The following RAB21 variants were observed in gnomAD, a reference collection of about 807,000 sequenced individuals.
RAB21 encodes ras-related protein Rab-21.
Under a neutral mutation model 33.1 loss-of-function variants are expected in RAB21, and 13 were observed. The ratio of observed to expected loss-of-function variants is 0.39; its 90% CI spans 0.26 to 0.62. RAB21 has a LOEUF of 0.62. RAB21 is among the 20% of genes least tolerant of loss of function. The pLI is 0.48. For synonymous variants in RAB21, 91 were observed against 103.7 expected (o/e 0.88, Z 0.74); for missense variants, 234 against 279.1 (o/e 0.84, Z 1.15).
Position 71,787,053 on chromosome 12 carries a change from A to T in RAB21, c.*1380A>T, listed in dbSNP as rs1883304777. The T allele has an allele frequency of 6.6e-6, 1 of 152,224 alleles. No individual in the cohort carries two copies. Among genetic ancestry groups the T allele is most frequent in the Non-Finnish European group, 1.5e-5 (1 of 68,036 alleles). 9.4% of individuals were successfully genotyped at this position (152,224 alleles called of 1,614,324 possible). A position where few individuals can be genotyped will look rare whatever the true frequency, so the allele number is the denominator to read the frequency against. On this transcript the variant is annotated 3_prime_UTR_variant, in exon 7 of 7. Transcript: ENST00000261263. ...AGCACGTAGTTTATGTTCCTGAGGC[A>T]GCACTTTTAGATCCTTTGTGAGCAA... is the stretch of plus-strand genomic sequence containing the variant.
rs756215077 is a variant in RAB21, at chr12:71,773,984, G to A, written c.353G>A (p.Arg118Gln). 14 of 1,592,332 alleles carry A rather than the reference G, an allele frequency of 8.8e-6. No homozygotes were observed. The highest frequency in any genetic ancestry group is 5.4e-5 in the Admixed American group (3 of 55,804). The change falls in exon 4 of 7, where the codon CGG (arginine) becomes CAG (glutamine). Residue 118 changes from arginine (R) to glutamine (Q), a missense_variant. Transcript: ENST00000261263. The stretch of plus-strand genomic sequence containing the variant: ...GTAAAAAACTGGGTCAAAGAATTAC[G>A]GAAAATGTTGGGAAATGAAATCTGT... The part of the protein sequence containing the change: ...QKVKNWVKEL[R>Q]KMLGNEICLC...
chr12:71,760,364 T>C (rs1451350399), intron 1 of RAB21, among the ~76,000 whole-genome samples: 4 of 152,182 alleles, frequency 2.6e-5, no homozygotes, highest in African/African-American at 9.7e-5. Flanking sequence ...ACGTAAGCTC[T>C]CTTAACTTAT....
chr12:71,755,331 A>T (rs986933040), intron 1 of RAB21, 43 bp downstream of exon 1: 2 of 1,457,220 alleles, frequency 1.4e-6, no homozygotes, highest in African/African-American at 1.5e-5. Context: ...CAGGGCCCCT[A>T]CCCCTCCGGG....
rs1325011231 is a variant in RAB21 at position 71,797,488 on chromosome 12, A to T, written c.*11815A>T. On this transcript the variant is annotated 3_prime_UTR_variant, in exon 7 of 7. Coordinates refer to ENST00000261263, the MANE Select transcript of RAB21 (RefSeq NM_014999.4). ...TTCACATGAAAATAAATTCAAACACATGGAGATGCATATCATATTCTTGGA... is the reference window on the plus strand; with the variant it reads ...TTCACATGAAAATAAATTCAAACACTTGGAGATGCATATCATATTCTTGGA... 4.6e-5 allele frequency: 7 copies of T among 151,932 alleles called. No individual in the cohort carries two copies. Among genetic ancestry groups the T allele is most frequent in the Admixed American group, 1.3e-4 (2 of 15,242 alleles). The allele number at this position is 151,932 out of a possible 1,614,324, so 9.4% of individuals were successfully genotyped here. A position where few individuals can be genotyped will look rare whatever the true frequency, so the allele number is the denominator to read the frequency against.
intron 1 of RAB21, among the ~76,000 whole-genome samples, chr12:71,762,674 G>A (rs975238221): frequency 2.7e-5 from 4 of 150,744 alleles, no homozygotes; most frequent in East Asian, 2.0e-4. Flanking sequence ...CCTCTGCCCC[G>A]TGGATTCAAG....
intron 1 of RAB21, among the ~76,000 whole-genome samples, chr12:71,755,727 T>C (rs1236625507): frequency 6.6e-6 from 1 of 152,228 alleles, no homozygotes; most frequent in Admixed American, 6.5e-5. Context: ...GACTAAGTGT[T>C]TATGCAAGTT....
chr12:71,759,316 A>G (rs1417347500), intron 1 of RAB21, among the ~76,000 whole-genome samples: 1 of 152,246 alleles, frequency 6.6e-6, no homozygotes, highest in Non-Finnish European at 1.5e-5. Flanking sequence ...TAACTTTGTC[A>G]TCTGAAAGTT....
At chr12:71,774,711 C>G (rs976604913) in intron 4 of RAB21, among the ~76,000 whole-genome samples, 1 of 150,040 alleles carries the variant, frequency 6.7e-6, no homozygotes. Context: ...GAGCCAAGAT[C>G]ACGCCATTGC....
intron 1 of RAB21, 28 bp downstream of exon 1, chr12:71,755,316 C>T: frequency 2.0e-6 from 3 of 1,486,066 alleles, no homozygotes; most frequent in Non-Finnish European, 2.7e-6. Context: ...CGGGAGGGGG[C>T]GCCTCAGGGC....
intron 1 of RAB21, among the ~76,000 whole-genome samples, chr12:71,766,109 A>T (rs1415719971): frequency 2.0e-5 from 3 of 152,120 alleles, no homozygotes; most frequent in Admixed American, 6.6e-5. Flanking sequence ...AAATAATTTG[A>T]TTAAGAAGGA....
At chr12:71,775,851 T>G (rs1026900976) in intron 4 of RAB21, among the ~76,000 whole-genome samples, 1 of 152,036 alleles carries the variant, frequency 6.6e-6, no homozygotes, top group African/African-American at 2.4e-5. Context: ...TTTTTTTAAC[T>G]TGAGTTTACA....
At chr12:71,775,350 C>T (rs757216915) in intron 4 of RAB21, among the ~76,000 whole-genome samples, 14 of 152,162 alleles carry the variant, frequency 9.2e-5, no homozygotes, top group Non-Finnish European at 1.9e-4. Context: ...CGTTCTGACT[C>T]TTAGGTTACT....
rs545551868 is a variant in RAB21 at position 71,778,196 on chromosome 12, C to A, written c.392-3835C>A. Among the ~76,000 whole-genome samples the A allele has an allele frequency of 8.5e-5, 13 of 152,270 alleles. No individual in the cohort carries two copies. The South Asian group carries it at 2.7e-3, about 32-fold the overall frequency. On this transcript the variant is annotated intron_variant, in intron 4 of 6. Transcript: ENST00000261263. The stretch of plus-strand genomic sequence containing the variant: ...CCATGTGCTAACCAGTAATAGAGAA[C>A]CACATGTTTCAATAGCAGAGACTTT...
At chr12:71,758,147 C>T (rs1205436641) in intron 1 of RAB21, among the ~76,000 whole-genome samples, 1 of 152,058 alleles carries the variant, frequency 6.6e-6, no homozygotes, top group African/African-American at 2.4e-5. Context: ...GTTCTCCTGC[C>T]TCAGCCTCCC....
At chr12:71,772,589 G>A (rs1883059772) in intron 3 of RAB21, among the ~76,000 whole-genome samples, 1 of 152,152 alleles carries the variant, frequency 6.6e-6, no homozygotes, top group Non-Finnish European at 1.5e-5. Context: ...TAAAAAAATT[G>A]ATCAGATTAG....
rs1029489971 is a variant in RAB21 at position 71,787,712 on chromosome 12, T to G, written c.*2039T>G. 12 of 152,202 alleles carry G rather than the reference T, an allele frequency of 7.9e-5. No individual in the cohort carries two copies. The highest frequency in any genetic ancestry group is 5.9e-4 in the Admixed American group (9 of 15,280). 9.4% of individuals were successfully genotyped at this position (152,202 alleles called of 1,614,324 possible). A position where few individuals can be genotyped will look rare whatever the true frequency, so the allele number is the denominator to read the frequency against. On this transcript the variant is annotated 3_prime_UTR_variant, in exon 7 of 7. Coordinates refer to ENST00000261263, the MANE Select transcript of RAB21 (RefSeq NM_014999.4). ...TCCTTGCTAAACTCAACACAGACTT[T>G]TCTGTTATGTGTTTTTGAGGAAGTT...
Position 71,798,798 on chromosome 12 carries a change from C to T in RAB21, c.*13125C>T, listed in dbSNP as rs531479605. ...TGATAGAGGGGTAAACTGGAACAAC[C>T]GCTAAGGATGACAGTGAATTCTGAA... On this transcript the variant is annotated 3_prime_UTR_variant, in exon 7 of 7. Coordinates refer to ENST00000261263, the MANE Select transcript of RAB21 (RefSeq NM_014999.4). The T allele has an allele frequency of 9.2e-5, 14 of 152,220 alleles. No individual in the cohort carries two copies. The highest frequency in any genetic ancestry group is 2.9e-4 in the African/African-American group (12 of 41,532). 9.4% of individuals were successfully genotyped at this position (152,220 alleles called of 1,614,324 possible). A position where few individuals can be genotyped will look rare whatever the true frequency, so the allele number is the denominator to read the frequency against.
chr12:71,774,998 TA>T (rs1883099370), intron 4 of RAB21, among the ~76,000 whole-genome samples: 1 of 152,166 alleles, frequency 6.6e-6, no homozygotes, highest in East Asian at 1.9e-4. Context: ...TCTGTACATT[TA>T]ACTATACATT....
rs1883362576 is a variant in RAB21, at chr12:71,790,381, A to G, written c.*4708A>G. ...GCTAAGGTGATTTCTTTACATTTGA[A>G]CATGTGTAGATCAATGAGAGAATGG... On this transcript the variant is annotated 3_prime_UTR_variant, in exon 7 of 7. Transcript: ENST00000261263. 6.6e-6 allele frequency: 1 copy of G among 152,162 alleles called. No individual in the cohort carries two copies. Among genetic ancestry groups the G allele is most frequent in the African/African-American group, 2.4e-5 (1 of 41,432 alleles). The allele number at this position is 152,162 out of a possible 1,614,324, so 9.4% of individuals were successfully genotyped here.
Sources: gnomAD v4.1 joint callset for allele counts (sites outside exome capture counted in the v4.1 genomes callset) on GRCh38, gnomAD v4.1.1 for gene constraint, MANE v1.5 for transcripts, NCBI Gene and HGNC (gene_info 2026-07-23, HGNC 2026-07-21) for gene names.